The following CHCHD3 variants were observed in gnomAD, a reference collection of about 807,000 sequenced individuals.
The protein encoded by CHCHD3 is MICOS complex subunit MIC19.
In CHCHD3, 20 loss-of-function variants were observed where a neutral mutation model predicts 38.2. The observed-to-expected ratio is 0.52, with a 90% CI of 0.37 to 0.76. The LOEUF (loss-of-function observed/expected upper bound fraction) is 0.76. CHCHD3 is among the 30% of genes least tolerant of loss of function. The pLI is 0.00. For missense variants in CHCHD3, 245 were observed against 279.2 expected, an observed-to-expected ratio of 0.88 and a Z score of 0.87; for synonymous variants, 82 against 100.0, an observed-to-expected ratio of 0.82 and a Z score of 1.07.
chr7:133,021,781 GGA>G (rs1813184782), intron 3 of CHCHD3, among the ~76,000 whole-genome samples: 2 of 152,010 alleles, frequency 1.3e-5, no homozygotes, highest in Admixed American at 1.3e-4. Context: ...TATTTTTCAT[GGA>G]GCTTTAAAAT....
intron 1 of CHCHD3, among the ~76,000 whole-genome samples, chr7:133,079,847 A>G (rs534474916): frequency 5.9e-5 from 9 of 152,338 alleles, no homozygotes; most frequent in East Asian, 1.9e-4. Flanking sequence ...TCTTTTGATC[A>G]TGAGCTCAAA....
chr7:132,973,102 T>C (rs1811652276), intron 4 of CHCHD3: 5 of 985,410 alleles, frequency 5.1e-6, no homozygotes, highest in East Asian at 2.3e-4. Flanking sequence ...GTTTTTTGAG[T>C]TTTTGAATCT....
At chr7:132,860,728 G>A (rs901179582) in intron 5 of CHCHD3, among the ~76,000 whole-genome samples, 1 of 152,034 alleles carries the variant, frequency 6.6e-6, no homozygotes, top group African/African-American at 2.4e-5. Context: ...CTGGGTTCAA[G>A]AGATTCTCCT....
chr7:132,817,735 T>C (rs375223643), intron 6 of CHCHD3, among the ~76,000 whole-genome samples: 4 of 152,154 alleles, frequency 2.6e-5, no homozygotes, highest in African/African-American at 9.6e-5. Context: ...ACTGCACCTG[T>C]AGTCCCAGCT....
chr7:132,796,105 C>T (rs1405847161), intron 7 of CHCHD3, among the ~76,000 whole-genome samples: 4 of 151,936 alleles, frequency 2.6e-5, no homozygotes, highest in East Asian at 3.9e-4. Flanking sequence ...GTATCCTCTT[C>T]GCTAGCTCTA....
chr7:132,966,307 A>G (rs1585682029), intron 4 of CHCHD3, among the ~76,000 whole-genome samples: 2 of 152,234 alleles, frequency 1.3e-5, no homozygotes, highest in African/African-American at 2.4e-5. Flanking sequence ...AAAATGTCCA[A>G]TGTCTTTATG....
In CHCHD3 at chr7:133,032,100, GC is replaced by G. The variant is rs546233512; in HGVS notation, c.170-7474del. Among the ~76,000 whole-genome samples the G allele has an allele frequency of 3.9e-3, 594 of 152,244 alleles. 7 individuals are homozygous for G. Among genetic ancestry groups the G allele is most frequent in the African/African-American group, 0.01 (430 of 41,542 alleles). Reference sequence around the variant, plus strand: ...GCTACAGGGTTTGATTGGAAGAAGAGCCAAAAGATGACTAGGATAAATCTCA... The same window carrying G: ...GCTACAGGGTTTGATTGGAAGAAGAGCAAAAGATGACTAGGATAAATCTCA... On this transcript the variant is annotated intron_variant, in intron 2 of 7. Coordinates refer to ENST00000262570, the MANE Select transcript of CHCHD3 (RefSeq NM_017812.4).
chr7:133,035,954 TAA>T lies in CHCHD3; in HGVS notation c.170-11329_170-11328del, dbSNP rs777869605. On this transcript the variant is annotated intron_variant, in intron 2 of 7. Coordinates refer to ENST00000262570, the MANE Select transcript of CHCHD3 (RefSeq NM_017812.4). The surrounding 1 kb of genome is among the most constrained non-coding windows in gnomAD (Gnocchi z 4.7). ...CGCAAAGAAAGGCTGGATCCAGTCT[TAA>T]AAGTGTTATCAGGTAGGGGTCCTTA... 4.7e-5 allele frequency: 68 copies of T among 1,452,380 alleles called. No homozygotes were observed. The highest frequency in any genetic ancestry group is 5.9e-5 in the Non-Finnish European group (62 of 1,047,038). The allele number at this position is 1,452,380 out of a possible 1,614,324, so 90.0% of individuals were successfully genotyped here.
In CHCHD3 at chr7:132,984,851, TG is replaced by T. The variant is rs1211225492; in HGVS notation, c.252-9566del. Among the ~76,000 whole-genome samples, 2 of 107,712 alleles carry T rather than the reference TG, an allele frequency of 1.9e-5. 1 individual carries two copies. Among genetic ancestry groups the T allele is most frequent in the Non-Finnish European group, 4.0e-5 (2 of 50,478 alleles). 70.7% of individuals were successfully genotyped at this position (107,712 alleles called of 152,430 possible). A position where few individuals can be genotyped will look rare whatever the true frequency, so the allele number is the denominator to read the frequency against. On this transcript the variant is annotated intron_variant, in intron 3 of 7. Transcript: ENST00000262570. The stretch of plus-strand genomic sequence containing the variant: ...GCAGCCACCCGGTCTGGGAGGGAGG[TG>T]GGGGTCAGCCCCCCACCCGGCCAGC...
At chr7:133,007,935 T>TGAAAAA (rs1812744993) in intron 3 of CHCHD3, among the ~76,000 whole-genome samples, 2 of 152,238 alleles carry the variant, frequency 1.3e-5, no homozygotes, top group Non-Finnish European at 1.5e-5. Context: ...TGAATCTCAT[T>TGAAAAA]TAATTTGCCA....
intron 5 of CHCHD3, among the ~76,000 whole-genome samples, chr7:132,882,481 A>C (rs1345619267): frequency 1.2e-5 from 1 of 86,172 alleles, no homozygotes; most frequent in Admixed American, 1.1e-4. Context: ...ATATATATAT[A>C]TATATATATA....
At chr7:133,074,422 C>G (rs1261065200) in intron 1 of CHCHD3, among the ~76,000 whole-genome samples, 1 of 152,198 alleles carries the variant, frequency 6.6e-6, no homozygotes, top group Non-Finnish European at 1.5e-5. Flanking sequence ...CAGCTGCATC[C>G]TTCTAACAAC....
intron 5 of CHCHD3, among the ~76,000 whole-genome samples, chr7:132,870,310 A>G (rs1226902800): frequency 6.7e-6 from 1 of 149,044 alleles, no homozygotes; most frequent in East Asian, 2.0e-4. Context: ...AGATCACGCC[A>G]CTGTACTCCA....
intron 4 of CHCHD3, among the ~76,000 whole-genome samples, chr7:132,949,952 TC>T (rs1810998660): frequency 6.6e-6 from 1 of 152,246 alleles, no homozygotes; most frequent in Non-Finnish European, 1.5e-5. Context: ...CCTGACCACA[TC>T]AGCTTTCCTC....
In CHCHD3 at chr7:132,823,161, AAAG is replaced by A. The variant is rs374126741; in HGVS notation, c.524+15235_524+15237del. 8.5e-3 allele frequency among the ~76,000 whole-genome samples: 1,294 copies of A among 152,352 alleles called. 24 individuals are homozygous for A. Among genetic ancestry groups the A allele is most frequent in the African/African-American group, 0.03 (1,238 of 41,584 alleles). On this transcript the variant is annotated intron_variant, in intron 6 of 7. Transcript: ENST00000262570. ...TTTTAAAAGGTTGATCTGGAAAAGA[AAAG>A]AGGAGTAAAATTACATTTCCCTTGT...
At chr7:132,998,909 G>A (rs1365399588) in intron 3 of CHCHD3, among the ~76,000 whole-genome samples, 2 of 152,148 alleles carry the variant, frequency 1.3e-5, no homozygotes, top group East Asian at 1.9e-4. Context: ...ACAGCAAGGA[G>A]AAGAGGATTT....
At chr7:132,867,173 T>C (rs1808654564) in intron 5 of CHCHD3, among the ~76,000 whole-genome samples, 1 of 152,218 alleles carries the variant, frequency 6.6e-6, no homozygotes, top group Non-Finnish European at 1.5e-5. Context: ...CTCTCTGCTA[T>C]ATCCCCAGAA....
intron 2 of CHCHD3, among the ~76,000 whole-genome samples, chr7:133,054,548 C>T (rs925931895): frequency 6.6e-6 from 1 of 152,084 alleles, no homozygotes; most frequent in Non-Finnish European, 1.5e-5. Context: ...GACAAAATTT[C>T]AAAAGTATTT....
intron 2 of CHCHD3, among the ~76,000 whole-genome samples, chr7:133,055,249 AAT>A (rs1317013902): frequency 2.7e-5 from 4 of 147,510 alleles, no homozygotes; most frequent in South Asian, 2.1e-4. Context: ...ATATGTTTAT[AAT>A]ATACTTATAT....
Sources: gnomAD v4.1 joint callset for allele counts (sites outside exome capture counted in the v4.1 genomes callset) on GRCh38, gnomAD v4.1.1 for gene constraint, Gnocchi (gnomAD v3.1) non-coding constraint, MANE v1.5 for transcripts, NCBI Gene and HGNC (gene_info 2026-07-23, HGNC 2026-07-21) for gene names.